The following CNOT4 variants were observed in gnomAD, a reference collection of about 807,000 sequenced individuals.
The protein encoded by CNOT4 is CCR4-NOT transcription complex subunit 4, also known as CCR4-associated factor 4.
In CNOT4, 8 loss-of-function variants were observed where a neutral mutation model predicts 73.8. The ratio of observed to expected loss-of-function variants is 0.11; its 90% CI spans 0.06 to 0.20. The LOEUF (loss-of-function observed/expected upper bound fraction) is 0.20. Among genes scored for constraint, CNOT4 ranks in the 10% least tolerant of loss-of-function variants. The pLI is 1.00. For synonymous variants in CNOT4, 293 were observed against 321.1 expected (o/e 0.91, Z 0.94); for missense variants, 564 against 883.4 (o/e 0.64, Z 4.58).
chr7:135,387,756 G>A (rs1437639825), intron 10 of CNOT4: 33 of 977,844 alleles, frequency 3.4e-5, no homozygotes, highest in Non-Finnish European at 3.9e-5. Context: ...CAAGAAATGT[G>A]TTTTCAGAAA....
At chr7:135,466,846 A>G (rs1801254444) in intron 1 of CNOT4, among the ~76,000 whole-genome samples, 1 of 152,238 alleles carries the variant, frequency 6.6e-6, no homozygotes, top group African/African-American at 2.4e-5. Flanking sequence ...ACAGGTTTGT[A>G]GCCTAGGAGC....
At chr7:135,456,754 C>T (rs541112716) in intron 1 of CNOT4, among the ~76,000 whole-genome samples, 11 of 151,932 alleles carry the variant, frequency 7.2e-5, no homozygotes, top group African/African-American at 2.4e-4. Context: ...TTGTCTCCAC[C>T]CCATCCCCGA....
intron 1 of CNOT4, among the ~76,000 whole-genome samples, chr7:135,483,930 C>T (rs1341474027): frequency 6.6e-6 from 1 of 152,170 alleles, no homozygotes; most frequent in Non-Finnish European, 1.5e-5. Flanking sequence ...GTGGCCCACG[C>T]CTGTAAGCCT....
intron 10 of CNOT4, chr7:135,388,465 A>G: frequency 1.0e-6 from 1 of 990,752 alleles, no homozygotes; most frequent in Non-Finnish European, 1.2e-6. Flanking sequence ...TTACCTTTGT[A>G]TAATTTTTCA....
chr7:135,487,214 G>A (rs1411140900), intron 1 of CNOT4, among the ~76,000 whole-genome samples: 1 of 148,156 alleles, frequency 6.7e-6, no homozygotes, highest in Non-Finnish European at 1.5e-5. Context: ...TACTCTTCCT[G>A]TAAATGTGCT....
chr7:135,484,954 TAACTG>T (rs879495120), intron 1 of CNOT4, among the ~76,000 whole-genome samples: 1 of 152,128 alleles, frequency 6.6e-6, no homozygotes, highest in Non-Finnish European at 1.5e-5. Context: ...AAGATCTAAA[TAACTG>T]AAGAGACTTA....
At chr7:135,374,024 A>G (rs1795377492) in intron 10 of CNOT4, among the ~76,000 whole-genome samples, 1 of 152,236 alleles carries the variant, frequency 6.6e-6, no homozygotes, top group African/African-American at 2.4e-5. Context: ...TAGCATTTTG[A>G]CTAGAACTCA....
chr7:135,396,615 G>T (rs73725121), intron 8 of CNOT4, among the ~76,000 whole-genome samples: 131 of 152,238 alleles, frequency 8.6e-4, no homozygotes, highest in African/African-American at 2.8e-3. Flanking sequence ...ATCTAATTAA[G>T]TTGTTTCCAA....
At chr7:135,493,282 C>T (rs1305265597) in intron 1 of CNOT4, among the ~76,000 whole-genome samples, 2 of 152,166 alleles carry the variant, frequency 1.3e-5, no homozygotes, top group Non-Finnish European at 2.9e-5. Flanking sequence ...CTGCCTCTAC[C>T]TCTCAAGTAG....
intron 3 of CNOT4, among the ~76,000 whole-genome samples, chr7:135,420,473 G>A (rs1480033183): frequency 6.6e-6 from 1 of 151,060 alleles, no homozygotes; most frequent in Non-Finnish European, 1.5e-5. Context: ...GTTACCTGGG[G>A]GGCTGAGGCA....
intron 1 of CNOT4, among the ~76,000 whole-genome samples, chr7:135,507,720 T>C (rs1356695133): frequency 6.6e-6 from 1 of 152,224 alleles, no homozygotes; most frequent in Non-Finnish European, 1.5e-5. Context: ...CAAGAGTTTC[T>C]AAACCTGTGT....
intron 10 of CNOT4, among the ~76,000 whole-genome samples, chr7:135,389,675 T>A (rs932233087): frequency 3.9e-5 from 6 of 151,978 alleles, no homozygotes; most frequent in Non-Finnish European, 7.4e-5. Context: ...AAGTTTAAAT[T>A]AACAAAAACA....
intron 1 of CNOT4, chr7:135,444,444 A>G: frequency 1.3e-6 from 1 of 770,662 alleles, no homozygotes; most frequent in Non-Finnish European, 2.4e-6. Context: ...AGTCATCCTC[A>G]GGAACGAGAT....
In CNOT4 at chr7:135,391,318, A is replaced by C. The variant is rs549350132; in HGVS notation, c.1627+2600T>G. 5.3e-5 allele frequency among the ~76,000 whole-genome samples: 8 copies of C among 152,178 alleles called. 1 individual carries two copies. In the South Asian group the frequency reaches 1.7e-3, roughly 32 times the overall value. On this transcript the variant is annotated intron_variant, in intron 10 of 11. Transcript: ENST00000541284. ...ATTCTGGTGTGTGAGACTCTTGATAAAAATTTTTAAATTTTGGTACATTAA... is the reference window on the plus strand; with the variant it reads ...ATTCTGGTGTGTGAGACTCTTGATACAAATTTTTAAATTTTGGTACATTAA...
chr7:135,459,766 G>A (rs2551764), intron 1 of CNOT4, among the ~76,000 whole-genome samples: 1,931 of 152,270 alleles, frequency 0.013, 38 homozygotes, highest in African/African-American at 0.045. Flanking sequence ...CCCCTAATAA[G>A]AGTCAGCCTA....
chr7:135,479,198 ATTTTTTTTT>A (rs61487024), intron 1 of CNOT4, among the ~76,000 whole-genome samples: 1 of 89,872 alleles, frequency 1.1e-5, no homozygotes, highest in African/African-American at 4.7e-5. Context: ...TTAGAACCAA[ATTTTTTTTT>A]TTTTTTTTTT....
At chr7:135,393,083 CTT>C (rs908478141) in intron 10 of CNOT4, among the ~76,000 whole-genome samples, 1 of 152,072 alleles carries the variant, frequency 6.6e-6, no homozygotes, top group African/African-American at 2.4e-5. Flanking sequence ...GAGGAACAAA[CTT>C]TTTTTAACAT....
At chr7:135,408,876 CA>C (rs1797447220) in intron 7 of CNOT4, among the ~76,000 whole-genome samples, 1 of 152,142 alleles carries the variant, frequency 6.6e-6, no homozygotes, top group African/African-American at 2.4e-5. Flanking sequence ...ATGCTGTACA[CA>C]AATCACTTTC....
rs370767808 is a variant in CNOT4, at chr7:135,384,952, A to C, written c.1627+8966T>G. On this transcript the variant is annotated intron_variant, in intron 10 of 11. Transcript: ENST00000541284. ...CTTTTCTATGAAAGTTACATTTTTA[A>C]AGATCACCACAGATCTAACCAAATC... 9.8e-5 allele frequency among the ~76,000 whole-genome samples: 15 copies of C among 152,308 alleles called. No individual in the cohort carries two copies. In the South Asian group the frequency reaches 2.9e-3, roughly 29 times the overall value.
Sources: gnomAD v4.1 joint callset for allele counts (sites outside exome capture counted in the v4.1 genomes callset) on GRCh38, gnomAD v4.1.1 for gene constraint, MANE v1.5 for transcripts, NCBI Gene and HGNC (gene_info 2026-07-23, HGNC 2026-07-21) for gene names.